Variants in NR1D2 observed in about 807,000 individuals in gnomAD.
NR1D2 encodes nuclear receptor subfamily 1 group D member 2.
In NR1D2, 25 loss-of-function variants were observed where a neutral mutation model predicts 52.2. That is an observed-to-expected ratio of 0.48 (90% CI 0.35 to 0.67). The LOEUF (loss-of-function observed/expected upper bound fraction) is 0.67, where lower values mean the gene tolerates loss of function less well. Ranked by LOEUF, NR1D2 falls within the 30% of genes least tolerant of loss-of-function variation. The pLI, the probability that NR1D2 is intolerant of heterozygous loss-of-function variation, is 0.01. For missense variants in NR1D2, 681 were observed against 707.2 expected (o/e 0.96, Z 0.42); for synonymous variants, 259 against 230.1 (o/e 1.13, Z -1.14).
At chr3:23,967,284 C>G (rs1234281117) in intron 6 of NR1D2, among the ~76,000 whole-genome samples, 1 of 150,292 alleles carries the variant, frequency 6.7e-6, no homozygotes. Flanking sequence ...GATCGTGCCA[C>G]TGCACTCCAG....
intron 7 of NR1D2, among the ~76,000 whole-genome samples, chr3:23,971,994 A>G (rs987227644): frequency 6.6e-6 from 1 of 152,240 alleles, no homozygotes; most frequent in Non-Finnish European, 1.5e-5. Flanking sequence ...AAACCTCTGC[A>G]CCTTGAATCA....
intron 1 of NR1D2, among the ~76,000 whole-genome samples, chr3:23,950,588 G>A (rs1408185401): frequency 1.3e-5 from 2 of 152,204 alleles, no homozygotes; most frequent in Non-Finnish European, 2.9e-5. Context: ...TGGGTGTCTA[G>A]TAGCAAGAAT....
At position 23,962,499 on chromosome 3, in the gene NR1D2, C is replaced by T. The variant is rs754392809; in HGVS notation, c.1040C>T (p.Ser347Phe). The part of the protein sequence containing the change: ...CIANGHCMNF[S>F]NAYTQRVCDR... ...GCAAATGGACATTGTATGAACTTCT[C>T]CAATGCTTATACTCAAAGAGTATGT... Residue 347 changes from serine (S) to phenylalanine (F), a missense_variant, in exon 5 of 8, where the codon TCC becomes TTC. Transcript: ENST00000312521. The T allele has an allele frequency of 3.1e-6, 5 of 1,614,006 alleles. No homozygotes were observed. The highest frequency in any genetic ancestry group is 1.6e-4 in the Middle Eastern group (1 of 6,062).
intron 7 of NR1D2, among the ~76,000 whole-genome samples, chr3:23,973,123 C>T (rs1706633086): frequency 6.6e-6 from 1 of 152,100 alleles, no homozygotes; most frequent in Admixed American, 6.5e-5. Flanking sequence ...CTTTCTTTGC[C>T]CACCTAGATT....
intron 7 of NR1D2, among the ~76,000 whole-genome samples, chr3:23,972,529 ATGTAGGTG>A (rs1263665196): frequency 2.2e-4 from 34 of 152,338 alleles, no homozygotes; most frequent in African/African-American, 7.5e-4. Context: ...AAGGACTTGC[ATGTAGGTG>A]TGAGGTCAAG....
chr3:23,958,642 T>TAAAAAAAAAAAAAAA (rs35959367), intron 3 of NR1D2, among the ~76,000 whole-genome samples: 1 of 98,100 alleles, frequency 1.0e-5, no homozygotes, highest in African/African-American at 4.1e-5. Flanking sequence ...CCTGTCTCTT[T>TAAAAAAAAAAAAAAA]AAAAAAAAAA....
intron 6 of NR1D2, among the ~76,000 whole-genome samples, chr3:23,966,161 G>C (rs1706444535): frequency 1.3e-5 from 2 of 152,228 alleles, no homozygotes; most frequent in African/African-American, 4.8e-5. Flanking sequence ...GGACAACTCT[G>C]AGATTGGGGT....
intron 6 of NR1D2, among the ~76,000 whole-genome samples, chr3:23,967,369 C>A (rs775019331): frequency 2.6e-5 from 4 of 151,856 alleles, no homozygotes; most frequent in Non-Finnish European, 4.4e-5. Context: ...AATCCCAGCA[C>A]TTTGGGAGGC....
Position 23,945,298 on chromosome 3 carries a change from C to G in NR1D2, c.-281C>G, listed in dbSNP as rs1226849366. On this transcript the variant is annotated 5_prime_UTR_variant, in exon 1 of 8. Transcript: ENST00000312521. ...GGCTGCCCTCCCCGTCAGCCGCCCT[C>G]GCCGCCGCGGTGCGCTGGCTGCAGG... The G allele has an allele frequency of 6.4e-6, 1 of 156,042 alleles. No individual in the cohort carries two copies. Among genetic ancestry groups the G allele is most frequent in the Non-Finnish European group, 1.4e-5 (1 of 70,878 alleles). 9.7% of individuals were successfully genotyped at this position (156,042 alleles called of 1,614,324 possible). A position where few individuals can be genotyped will look rare whatever the true frequency, so the allele number is the denominator to read the frequency against.
At chr3:23,946,043 G>C (rs1478469826) in intron 1 of NR1D2, 1 of 946,044 alleles carries the variant, frequency 1.1e-6, no homozygotes, top group Non-Finnish European at 1.3e-6. Flanking sequence ...GCGCGCGCGC[G>C]CGCTGGCTGG....
intron 3 of NR1D2, among the ~76,000 whole-genome samples, chr3:23,958,013 A>G (rs1439638507): frequency 6.6e-6 from 1 of 152,252 alleles, no homozygotes; most frequent in African/African-American, 2.4e-5. Context: ...CAGTAATTGC[A>G]TTCTTGAGTT....
At chr3:23,954,135 GCA>G (rs947699749) in intron 1 of NR1D2, among the ~76,000 whole-genome samples, 5 of 152,284 alleles carry the variant, frequency 3.3e-5, no homozygotes, top group African/African-American at 1.2e-4. Flanking sequence ...TGAATAGCTG[GCA>G]CTACTAGAGG....
intron 5 of NR1D2, chr3:23,963,119 A>C (rs1575154495): frequency 2.5e-6 from 1 of 392,972 alleles, no homozygotes; most frequent in East Asian, 9.2e-5. Flanking sequence ...TCATAGGCTA[A>C]TTTCTAAGGA....
intron 3 of NR1D2, among the ~76,000 whole-genome samples, chr3:23,958,044 T>C (rs1408290171): frequency 6.6e-6 from 1 of 152,246 alleles, no homozygotes; most frequent in Non-Finnish European, 1.5e-5. Flanking sequence ...CCTGGTACCA[T>C]GAAACTGGAG....
chr3:23,962,223 G>T lies in NR1D2; in HGVS notation c.764G>T (p.Gly255Val), dbSNP rs1706269121. The T allele has an allele frequency of 6.2e-7, 1 of 1,614,192 alleles. No homozygotes were observed. Among genetic ancestry groups the T allele is most frequent in the Non-Finnish European group, 8.5e-7 (1 of 1,180,038 alleles). The change falls in exon 5 of 8, where the codon GGC (glycine) becomes GTC (valine). Residue 255 changes from glycine (G) to valine (V), a missense_variant. Coordinates refer to ENST00000312521, the MANE Select transcript of NR1D2 (RefSeq NM_005126.5). Reference sequence around the variant, plus strand: ...GATTTTGCAAAGGAAGAAGTGATTGGCATGGTGACCAGAGCTCACAAGGAT... The same window carrying T: ...GATTTTGCAAAGGAAGAAGTGATTGTCATGGTGACCAGAGCTCACAAGGAT... ...SSDFAKEEVI[G>V]MVTRAHKDTF...
intron 2 of NR1D2, 99 bp downstream of exon 2, chr3:23,954,902 A>G (rs1239906679): frequency 1.9e-6 from 2 of 1,078,194 alleles, no homozygotes; most frequent in Non-Finnish European, 2.7e-6. Context: ...TTCTGGGTAC[A>G]GTTTTCACTC....
chr3:23,952,858 G>A (rs879372736), intron 1 of NR1D2, among the ~76,000 whole-genome samples: 3 of 152,030 alleles, frequency 2.0e-5, no homozygotes, highest in Admixed American at 1.3e-4. Flanking sequence ...CTCCTCAGAG[G>A]GTTTGTTTCT....
chr3:23,956,362 AT>A (rs781532854), intron 3 of NR1D2, among the ~76,000 whole-genome samples: 1 of 152,208 alleles, frequency 6.6e-6, no homozygotes, highest in Non-Finnish European at 1.5e-5. Context: ...TGCTATCTCA[AT>A]TAAACATACT....
At chr3:23,965,928 C>T (rs1290477982) in intron 6 of NR1D2, among the ~76,000 whole-genome samples, 2 of 152,150 alleles carry the variant, frequency 1.3e-5, no homozygotes, top group African/African-American at 4.8e-5. Context: ...TTCTTATGTG[C>T]CACCTTAGCT....
Sources: gnomAD v4.1 joint callset for allele counts (sites outside exome capture counted in the v4.1 genomes callset) on GRCh38, gnomAD v4.1.1 for gene constraint, MANE v1.5 for transcripts, NCBI Gene and HGNC (gene_info 2026-07-23, HGNC 2026-07-21) for gene names.